NCKAP1: variants seen among roughly 807,000 people sequenced by gnomAD.
The protein encoded by NCKAP1 is NCK associated protein 1.
A neutral mutation model predicts 151.2 loss-of-function variants in NCKAP1; 21 were observed. The observed-to-expected ratio is 0.14, with a 90% CI of 0.10 to 0.20. NCKAP1 has a LOEUF of 0.20. NCKAP1 is among the 10% of genes least tolerant of loss of function. NCKAP1 has a pLI of 1.00. For missense variants in NCKAP1, 933 were observed against 1,352.1 expected (o/e 0.69, Z 4.86); for synonymous variants, 484 against 451.8 (o/e 1.07, Z -0.90).
At chr2:182,999,589 T>A (rs1698339895) in intron 6 of NCKAP1, among the ~76,000 whole-genome samples, 1 of 152,184 alleles carries the variant, frequency 6.6e-6, no homozygotes, top group South Asian at 2.1e-4. Flanking sequence ...GGAAAGCAGT[T>A]TGATGACTTC....
chr2:182,910,948 G>GCACCCCCCCCC lies in NCKAP1; in HGVS notation c.*14753_*14754insGGGGGGGGGTG, dbSNP rs5836857. 5.9e-5 allele frequency: 7 copies of GCACCCCCCCCC among 117,810 alleles called. 1 individual carries two copies. The highest frequency in any genetic ancestry group is 1.4e-4 in the African/African-American group (5 of 34,730). 7.3% of individuals were successfully genotyped at this position (117,810 alleles called of 1,614,324 possible). A position where few individuals can be genotyped will look rare whatever the true frequency, so the allele number is the denominator to read the frequency against. On this transcript the variant is annotated 3_prime_UTR_variant, in exon 31 of 31. Coordinates refer to ENST00000361354, the MANE Select transcript of NCKAP1 (RefSeq NM_013436.5). ...CTTGGAAATAAAAATAAAATCCTAA[G>GCACCCCCCCCC]CTCCCCCCCCACATTTGACTAAACA...
chr2:183,004,536 A>G (rs1164866597), intron 2 of NCKAP1, among the ~76,000 whole-genome samples: 2 of 150,584 alleles, frequency 1.3e-5, no homozygotes, highest in South Asian at 2.1e-4. Context: ...GGAAGACCCT[A>G]CTATTATAGG....
chr2:183,035,758 G>A (rs778460912), intron 1 of NCKAP1, among the ~76,000 whole-genome samples: 26 of 152,180 alleles, frequency 1.7e-4, no homozygotes, highest in Non-Finnish European at 2.5e-4. Context: ...TCATTTACAT[G>A]CAAAATTACA....
chr2:182,959,366 G>T (rs1697392809), intron 18 of NCKAP1, among the ~76,000 whole-genome samples: 1 of 151,962 alleles, frequency 6.6e-6, no homozygotes, highest in Non-Finnish European at 1.5e-5. Flanking sequence ...TAACAAGAAA[G>T]CTCTCAAATG....
chr2:183,010,747 T>C (rs937634882), intron 2 of NCKAP1, among the ~76,000 whole-genome samples: 4 of 152,178 alleles, frequency 2.6e-5, no homozygotes, highest in African/African-American at 9.6e-5. Flanking sequence ...CGTGGTATAG[T>C]GGGGTTGGTC....
At chr2:183,002,594 A>G (rs1698394860) in intron 4 of NCKAP1, among the ~76,000 whole-genome samples, 1 of 152,106 alleles carries the variant, frequency 6.6e-6, no homozygotes, top group South Asian at 2.1e-4. Context: ...ATTATTTTTT[A>G]AAGTTCACCA....
intron 9 of NCKAP1, among the ~76,000 whole-genome samples, 186 bp downstream of exon 9, chr2:182,988,844 C>G (rs1418630674): frequency 1.3e-5 from 2 of 151,704 alleles, no homozygotes; most frequent in African/African-American, 2.4e-5. Context: ...GTGAAGTTAC[C>G]TGTAAAAAAC....
At chr2:183,013,839 T>G (rs775691008) in intron 2 of NCKAP1, among the ~76,000 whole-genome samples, 2 of 152,170 alleles carry the variant, frequency 1.3e-5, no homozygotes, top group Non-Finnish European at 2.9e-5. Flanking sequence ...CATAATGCCC[T>G]CCTTGTTCCT....
rs913829074 is a variant in NCKAP1, at chr2:182,915,418, T to G, written c.*10284A>C. 6.6e-6 allele frequency: 1 copy of G among 152,220 alleles called. No individual in the cohort carries two copies. The highest frequency in any genetic ancestry group is 1.5e-5 in the Non-Finnish European group (1 of 68,044). 9.4% of individuals were successfully genotyped at this position (152,220 alleles called of 1,614,324 possible). A position where few individuals can be genotyped will look rare whatever the true frequency, so the allele number is the denominator to read the frequency against. Reference sequence around the variant, plus strand: ...CAACCCTTGGACCTCTGCAAGGATGTGACAGGAATAGCACAACTCACTAGA... The same window carrying G: ...CAACCCTTGGACCTCTGCAAGGATGGGACAGGAATAGCACAACTCACTAGA... On this transcript the variant is annotated 3_prime_UTR_variant, in exon 31 of 31. Coordinates refer to ENST00000361354, the MANE Select transcript of NCKAP1 (RefSeq NM_013436.5).
chr2:182,952,842 A>G lies in NCKAP1; in HGVS notation c.2454T>C (p.Pro818=). The part of the protein sequence containing the change: ...FPAMKAFVNL[P]TENELTFNAE... The stretch of plus-strand genomic sequence containing the variant: ...CATTGAATGTTAATTCATTTTCTGT[A>G]GGTAAGTTCACAAACGCTTTCATTG... The change falls in exon 22 of 31, where the codon CCT becomes CCC. Residue 818 remains proline (P), a synonymous_variant. Coordinates refer to ENST00000361354, the MANE Select transcript of NCKAP1 (RefSeq NM_013436.5). 6.2e-7 allele frequency: 1 copy of G among 1,611,460 alleles called. No homozygotes were observed. The highest frequency in any genetic ancestry group is 8.5e-7 in the Non-Finnish European group (1 of 1,178,264).
intron 26 of NCKAP1, among the ~76,000 whole-genome samples, chr2:182,931,979 T>C (rs1696775737): frequency 6.6e-6 from 1 of 152,100 alleles, no homozygotes; most frequent in African/African-American, 2.4e-5. Flanking sequence ...ATTACAAGTA[T>C]TAGTGAAGAT....
intron 8 of NCKAP1, among the ~76,000 whole-genome samples, 172 bp downstream of exon 8, chr2:182,994,667 C>A (rs571125885): frequency 1.7e-4 from 26 of 151,482 alleles, no homozygotes; most frequent in Admixed American, 9.2e-4. Flanking sequence ...AGAAAAAAAA[C>A]CCACAAACAG....
rs555176299 is a variant in NCKAP1 at position 182,930,254 on chromosome 2, C to T, written c.2953+441G>A. ...TTTTGCCCATAAAACCTCACTGACA[C>T]TGATCTTGTTAGTACCACCAATTAA... is the stretch of plus-strand genomic sequence containing the variant. On this transcript the variant is annotated intron_variant, in intron 27 of 30. Coordinates refer to ENST00000361354, the MANE Select transcript of NCKAP1 (RefSeq NM_013436.5). Among the ~76,000 whole-genome samples the T allele has an allele frequency of 2.4e-4, 36 of 152,174 alleles. 1 individual carries two copies. The highest frequency in any genetic ancestry group is 8.7e-4 in the African/African-American group (36 of 41,572).
chr2:182,989,200 G>T lies in NCKAP1; in HGVS notation c.791-14C>A. On this transcript the variant is annotated splice_polypyrimidine_tract_variant and intron_variant, in intron 8 of 30. Transcript: ENST00000361354. ...AAATAAAGCCAACTTTAAATAAAAA[G>T]AAAGCAAATACAAATGTAAATGTAC... The T allele has an allele frequency of 6.4e-7, 1 of 1,572,972 alleles. No homozygotes were observed. Among genetic ancestry groups the T allele is most frequent in the Non-Finnish European group, 8.6e-7 (1 of 1,162,778 alleles).
intron 23 of NCKAP1, among the ~76,000 whole-genome samples, chr2:182,945,933 A>G (rs1379663382): frequency 6.6e-6 from 1 of 152,210 alleles, no homozygotes; most frequent in Admixed American, 6.5e-5. Flanking sequence ...AATAGACTCA[A>G]TAAAGAAAAT....
intron 24 of NCKAP1, among the ~76,000 whole-genome samples, chr2:182,937,007 C>T (rs948945102): frequency 1.4e-5 from 2 of 147,700 alleles, no homozygotes; most frequent in Admixed American, 7.0e-5. Context: ...CCCAGCTACT[C>T]GGGAGACTGA....
At chr2:183,002,316 T>C (rs1698389314) in intron 4 of NCKAP1, 47 bp from the exon 5 acceptor site, 1 of 1,285,482 alleles carries the variant, frequency 7.8e-7, no homozygotes, top group Non-Finnish European at 1.1e-6. Context: ...TTTCTTAAAA[T>C]TTTAAACACA....
intron 18 of NCKAP1, among the ~76,000 whole-genome samples, chr2:182,960,194 C>T (rs1187864281): frequency 6.6e-6 from 1 of 152,170 alleles, no homozygotes; most frequent in Admixed American, 6.5e-5. Flanking sequence ...CCCCATCAAG[C>T]TACCAATGAC....
At chr2:182,999,951 T>C (rs1226226596) in intron 6 of NCKAP1, among the ~76,000 whole-genome samples, 2 of 152,126 alleles carry the variant, frequency 1.3e-5, no homozygotes, top group African/African-American at 2.4e-5. Context: ...AAGCTAAGCA[T>C]TGGGTACACA....
Sources: gnomAD v4.1 joint callset for allele counts (sites outside exome capture counted in the v4.1 genomes callset) on GRCh38, gnomAD v4.1.1 for gene constraint, MANE v1.5 for transcripts, NCBI Gene and HGNC (gene_info 2026-07-23, HGNC 2026-07-21) for gene names.